The following TTC7B variants were observed in gnomAD, a reference collection of about 807,000 sequenced individuals.
TTC7B encodes the protein tetratricopeptide repeat protein 7B.
A neutral mutation model predicts 106.8 loss-of-function variants in TTC7B; 28 were observed. The ratio of observed to expected loss-of-function variants is 0.26; its 90% confidence interval spans 0.19 to 0.36. The LOEUF (loss-of-function observed/expected upper bound fraction) is 0.36. Ranked by LOEUF, TTC7B falls within the 10% of genes least tolerant of loss-of-function variation. TTC7B has a pLI of 1.00. For synonymous variants in TTC7B, 405 were observed against 430.6 expected (o/e 0.94, Z 0.74); for missense variants, 862 against 1,076.4 (o/e 0.80, Z 2.79).
intron 3 of TTC7B, among the ~76,000 whole-genome samples, chr14:90,760,224 TG>T (rs978385315): frequency 2.7e-5 from 4 of 149,558 alleles, no homozygotes; most frequent in African/African-American, 9.9e-5. Flanking sequence ...TAAACAGAGG[TG>T]GGGGGTTGGC....
intron 1 of TTC7B, among the ~76,000 whole-genome samples, chr14:90,806,886 G>A (rs1367507844): frequency 2.0e-5 from 3 of 146,842 alleles, no homozygotes; most frequent in Non-Finnish European, 4.5e-5. Context: ...CAGCCTGAGC[G>A]ACAGAGTGAC....
Position 90,658,341 on chromosome 14 carries a change from C to T in TTC7B, c.1199G>A (p.Trp400Ter). The T allele has an allele frequency of 6.2e-7, 1 of 1,614,068 alleles. No homozygotes were observed. Among genetic ancestry groups the T allele is most frequent in the Non-Finnish European group, 8.5e-7 (1 of 1,179,956 alleles). Residue 400 changes from tryptophan to a stop codon, truncating the protein, a stop_gained, in exon 10 of 20, where the codon TGG (tryptophan) becomes TAG (stop). Transcript: ENST00000328459. LOFTEE classifies it high-confidence loss of function. ...MKFAFEEFHLWYQFALSLMAA... is the reference protein window; with the variant it reads ...MKFAFEEFHL ...CATCAGGGACAGAGCAAACTGGTACCACAGGTGGAATTCCTCAAAGGCAAA... is the reference window on the plus strand; with the variant it reads ...CATCAGGGACAGAGCAAACTGGTACTACAGGTGGAATTCCTCAAAGGCAAA...
intron 18 of TTC7B, among the ~76,000 whole-genome samples, chr14:90,592,858 GTCTC>G (rs1892021921): frequency 6.6e-6 from 1 of 152,166 alleles, no homozygotes; most frequent in South Asian, 2.1e-4. Flanking sequence ...GGCTGTTGCT[GTCTC>G]TCTATGAAAT....
chr14:90,712,644 T>C (rs1210630086), intron 5 of TTC7B, among the ~76,000 whole-genome samples: 4 of 151,956 alleles, frequency 2.6e-5, no homozygotes, highest in African/African-American at 9.7e-5. Flanking sequence ...TGGAGAGAGG[T>C]TGGATTAGAA....
intron 16 of TTC7B, among the ~76,000 whole-genome samples, chr14:90,615,399 T>C (rs941950277): frequency 2.6e-5 from 4 of 152,202 alleles, no homozygotes; most frequent in Non-Finnish European, 5.9e-5. Context: ...CAACCCAGCA[T>C]GCTCAGAAGC....
chr14:90,741,282 G>A (rs564088841), intron 4 of TTC7B, among the ~76,000 whole-genome samples: 30 of 152,256 alleles, frequency 2.0e-4, no homozygotes, highest in African/African-American at 6.3e-4. Flanking sequence ...CTCAGAGAAC[G>A]GCACTCCCTC....
chr14:90,799,541 T>A (rs1198420241), intron 1 of TTC7B, among the ~76,000 whole-genome samples: 2 of 152,112 alleles, frequency 1.3e-5, no homozygotes, highest in East Asian at 1.9e-4. Context: ...GGGCAGGGCA[T>A]CCAAGACTTC....
At chr14:90,682,612 C>A (rs1419124647) in intron 7 of TTC7B, among the ~76,000 whole-genome samples, 1 of 152,128 alleles carries the variant, frequency 6.6e-6, no homozygotes, top group Admixed American at 6.5e-5. Flanking sequence ...CTCTTTGGGG[C>A]CCACGAGCCT....
chr14:90,574,414 C>T (rs2139800279), intron 19 of TTC7B, among the ~76,000 whole-genome samples: 1 of 152,332 alleles, frequency 6.6e-6, no homozygotes, highest in South Asian at 2.1e-4. Flanking sequence ...GCAATCTCTG[C>T]CTCCCTTGTC....
intron 5 of TTC7B, among the ~76,000 whole-genome samples, chr14:90,727,346 A>G (rs948641091): frequency 1.3e-5 from 2 of 152,134 alleles, no homozygotes; most frequent in African/African-American, 2.4e-5. Flanking sequence ...AAAGGACTGG[A>G]GCCCAAGGAA....
At chr14:90,737,715 C>T (rs921420975) in intron 4 of TTC7B, among the ~76,000 whole-genome samples, 6 of 152,018 alleles carry the variant, frequency 3.9e-5, no homozygotes, top group South Asian at 2.1e-4. Context: ...CACACCACCA[C>T]GCCCGACCAA....
chr14:90,654,149 T>C (rs892165440), intron 12 of TTC7B, among the ~76,000 whole-genome samples: 1 of 152,166 alleles, frequency 6.6e-6, no homozygotes, highest in African/African-American at 2.4e-5. Context: ...GGATAGTATT[T>C]CCTCGTAAGG....
chr14:90,770,868 C>T (rs531009271), intron 3 of TTC7B, among the ~76,000 whole-genome samples: 8 of 150,984 alleles, frequency 5.3e-5, no homozygotes, highest in African/African-American at 1.5e-4. Context: ...TGCATGCAGA[C>T]GAAAGAAAAT....
At chr14:90,745,313 AAAGAAG>A (rs1555395559) in intron 3 of TTC7B, among the ~76,000 whole-genome samples, 1 of 136,074 alleles carries the variant, frequency 7.3e-6, no homozygotes, top group South Asian at 2.2e-4. Context: ...AAAAAAAAAA[AAAGAAG>A]AAGAAGAAGA....
chr14:90,598,412 C>T (rs900095635), intron 17 of TTC7B, among the ~76,000 whole-genome samples: 8 of 152,156 alleles, frequency 5.3e-5, no homozygotes, highest in African/African-American at 1.7e-4. Context: ...ACCTGAAGAA[C>T]ATTCTGAGCC....
At chr14:90,741,101 C>G (rs539559492) in intron 4 of TTC7B, among the ~76,000 whole-genome samples, 37 of 152,296 alleles carry the variant, frequency 2.4e-4, no homozygotes, top group African/African-American at 7.9e-4. Flanking sequence ...AGGCCAGGGT[C>G]CCAACACTGG....
rs925861774 is a variant in TTC7B, at chr14:90,742,905, AC to A, written c.576+1886del. Among the ~76,000 whole-genome samples, 2 of 152,216 alleles carry A rather than the reference AC, an allele frequency of 1.3e-5. No homozygotes were observed. The highest frequency in any genetic ancestry group is 2.9e-5 in the Non-Finnish European group (2 of 68,036). On this transcript the variant is annotated intron_variant, in intron 4 of 19. Coordinates refer to ENST00000328459, the MANE Select transcript of TTC7B (RefSeq NM_001010854.2). The surrounding 1 kb of genome is among the most constrained non-coding windows in gnomAD (Gnocchi z 4.1). ...GCCGGGAGAAGACGGCTCCAAAGTG[AC>A]AGGGCTGGACAACAGTGGAGAGTAA... is the stretch of plus-strand genomic sequence containing the variant.
intron 5 of TTC7B, among the ~76,000 whole-genome samples, chr14:90,712,433 A>G (rs1461392771): frequency 6.6e-6 from 1 of 152,234 alleles, no homozygotes; most frequent in Non-Finnish European, 1.5e-5. Flanking sequence ...AATTCAAGAG[A>G]TTAGTCAGTT....
In TTC7B at chr14:90,531,911, C is replaced by G. The variant is rs74884220; in HGVS notation, c.*9457G>C. ...AAAACTGCTACATAGGCCAGGCACA[C>G]TGACTCACACCTGTTATCCCAGACC... On this transcript the variant is annotated 3_prime_UTR_variant, in exon 20 of 20. Transcript: ENST00000328459. 0.029 allele frequency: 4,420 copies of G among 152,356 alleles called. 117 individuals carry two copies. The highest frequency in any genetic ancestry group is 0.16 in the East Asian group (818 of 5,180). The allele number at this position is 152,356 out of a possible 1,614,324, so 9.4% of individuals were successfully genotyped here. A position where few individuals can be genotyped will look rare whatever the true frequency, so the allele number is the denominator to read the frequency against.
Sources: gnomAD v4.1 joint callset for allele counts (sites outside exome capture counted in the v4.1 genomes callset) on GRCh38, gnomAD v4.1.1 for gene constraint, Gnocchi (gnomAD v3.1) non-coding constraint, MANE v1.5 for transcripts, NCBI Gene and HGNC (gene_info 2026-07-23, HGNC 2026-07-21) for gene names.